Variants in ARHGEF28 observed in about 807,000 individuals in gnomAD.
ARHGEF28 encodes Rho guanine nucleotide exchange factor 28.
A neutral mutation model predicts 206.6 loss-of-function variants in ARHGEF28; 152 were observed. The ratio of observed to expected loss-of-function variants is 0.74; its 90% CI spans 0.64 to 0.84. The LOEUF (loss-of-function observed/expected upper bound fraction) is 0.84, where lower values mean the gene tolerates loss of function less well. ARHGEF28 is among the 40% of genes least tolerant of loss of function. The pLI is 0.00. For synonymous variants in ARHGEF28, 763 were observed against 776.4 expected, an observed-to-expected ratio of 0.98 and a Z score of 0.29; for missense variants, 2,028 against 2,073.2, an observed-to-expected ratio of 0.98 and a Z score of 0.42.
intron 2 of ARHGEF28, among the ~76,000 whole-genome samples, chr5:73,730,596 C>T (rs975197840): frequency 4.9e-4 from 71 of 145,918 alleles, no homozygotes; most frequent in African/African-American, 5.4e-4. Flanking sequence ...TGCAGTAGCA[C>T]GATCACAGCT....
intron 11 of ARHGEF28, among the ~76,000 whole-genome samples, chr5:73,845,619 C>G (rs948511365): frequency 6.6e-6 from 1 of 152,076 alleles, no homozygotes; most frequent in African/African-American, 2.4e-5. Context: ...TTGGGACTTG[C>G]GATATCAATA....
At chr5:73,880,048 G>C (rs1181509920) in intron 22 of ARHGEF28, among the ~76,000 whole-genome samples, 1 of 152,168 alleles carries the variant, frequency 6.6e-6, no homozygotes, top group Non-Finnish European at 1.5e-5. Context: ...TACAGAGGCA[G>C]GCAGGCCTCC....
chr5:73,627,968 C>G (rs180712740), intron 1 of ARHGEF28, among the ~76,000 whole-genome samples: 1 of 152,052 alleles, frequency 6.6e-6, no homozygotes, highest in African/African-American at 2.4e-5. Context: ...TTAGACTTTC[C>G]TCTGAAGTAC....
At position 73,794,386 on chromosome 5, in the gene ARHGEF28, A is replaced by G. The variant is rs1293120587; in HGVS notation, c.911-16A>G. On this transcript the variant is annotated splice_polypyrimidine_tract_variant and intron_variant, in intron 7 of 35. Coordinates refer to ENST00000513042, the MANE Select transcript of ARHGEF28 (RefSeq NM_001177693.2). Reference sequence around the variant, plus strand: ...AAGCTCCCATCAGCAGATCCTGATAATTATTTCTTTTGCAGAGATTAAGAA... The same window carrying G: ...AAGCTCCCATCAGCAGATCCTGATAGTTATTTCTTTTGCAGAGATTAAGAA... 1.9e-6 allele frequency: 3 copies of G among 1,584,014 alleles called. No individual in the cohort carries two copies. In the Admixed American group the frequency reaches 5.4e-5, roughly 28 times the overall value.
In ARHGEF28 at chr5:73,832,588, G is replaced by A. The variant is rs192279020; in HGVS notation, c.1146+129G>A. On this transcript the variant is annotated intron_variant, in intron 10 of 35. Coordinates refer to ENST00000513042, the MANE Select transcript of ARHGEF28 (RefSeq NM_001177693.2). ...TAAGAGCAGCAAAGAGGATGCTGTT[G>A]TGGGGTCTCATTGTATGAGCATTTA... 190 of 1,283,172 alleles carry A rather than the reference G, an allele frequency of 1.5e-4. 1 individual carries two copies. In the African/African-American group the frequency reaches 2.5e-3, roughly 17 times the overall value. The allele number at this position is 1,283,172 out of a possible 1,614,324, so 79.5% of individuals were successfully genotyped here.
At chr5:73,787,882 T>A (rs1248030396) in intron 7 of ARHGEF28, among the ~76,000 whole-genome samples, 2 of 152,192 alleles carry the variant, frequency 1.3e-5, no homozygotes, top group Admixed American at 6.5e-5. Context: ...ACTCATTTTG[T>A]ATATTATTAT....
chr5:73,753,150 C>T lies in ARHGEF28; in HGVS notation c.423C>T (p.Thr141=), dbSNP rs1752111697. 1 of 1,556,350 alleles carries T rather than the reference C, an allele frequency of 6.4e-7. No homozygotes were observed. Among genetic ancestry groups the T allele is most frequent in the Non-Finnish European group, 8.7e-7 (1 of 1,153,312 alleles). The stretch of plus-strand genomic sequence containing the variant: ...ATGAGGAGCTCGTGCTGGCTCTGAC[C>T]CATCTGGAATTGCCTCTAGAGTGGA... ...ALDEELVLAL[T]HLELPLEWTV... Residue 141 remains threonine (T), a synonymous_variant, in exon 4 of 36, where the codon ACC becomes ACT. Coordinates refer to ENST00000513042, the MANE Select transcript of ARHGEF28 (RefSeq NM_001177693.2).
intron 9 of ARHGEF28, among the ~76,000 whole-genome samples, chr5:73,826,610 G>A (rs1756922014): frequency 2.0e-5 from 3 of 152,168 alleles, no homozygotes; most frequent in Non-Finnish European, 4.4e-5. Flanking sequence ...GGGAGAGGTG[G>A]ATTTTGTTGG....
chr5:73,867,184 T>C (rs1179543961), intron 18 of ARHGEF28, among the ~76,000 whole-genome samples: 1 of 152,214 alleles, frequency 6.6e-6, no homozygotes, highest in Non-Finnish European at 1.5e-5. Flanking sequence ...ACGTGTAAAA[T>C]GCTTTGTAAT....
At chr5:73,799,429 T>TA (rs1755006755) in intron 9 of ARHGEF28, among the ~76,000 whole-genome samples, 3 of 152,208 alleles carry the variant, frequency 2.0e-5, no homozygotes. Flanking sequence ...GAAATTAAGA[T>TA]ATCCAGTTAA....
chr5:73,932,721 T>C (rs184161202), intron 35 of ARHGEF28, among the ~76,000 whole-genome samples: 20 of 151,980 alleles, frequency 1.3e-4, no homozygotes, highest in Admixed American at 1.1e-3. Context: ...TGACAATATA[T>C]GTTGAAACCT....
Position 73,688,227 on chromosome 5 carries a change from G to A in ARHGEF28, c.33+3343G>A, listed in dbSNP as rs544662717. 7.2e-5 allele frequency among the ~76,000 whole-genome samples: 11 copies of A among 152,244 alleles called. No homozygotes were observed. The East Asian group carries it at 7.7e-4, about 11-fold the overall frequency. On this transcript the variant is annotated intron_variant, in intron 2 of 35. Coordinates refer to ENST00000513042, the MANE Select transcript of ARHGEF28 (RefSeq NM_001177693.2). The stretch of plus-strand genomic sequence containing the variant: ...TTTACCTCAAGGACAATTAGATTAC[G>A]TAAGTGGAACAATAATCAGGAAGGA...
chr5:73,842,194 A>T (rs1431734269), intron 11 of ARHGEF28, among the ~76,000 whole-genome samples: 1 of 152,112 alleles, frequency 6.6e-6, no homozygotes, highest in African/African-American at 2.4e-5. Context: ...TTTTTCCCCC[A>T]TATCCTACCC....
At chr5:73,627,522 G>A (rs1743082031) in intron 1 of ARHGEF28, among the ~76,000 whole-genome samples, 1 of 152,110 alleles carries the variant, frequency 6.6e-6, no homozygotes, top group Admixed American at 6.6e-5. Context: ...AACCTGGGAA[G>A]GTTTCTCTAG....
chr5:73,910,784 G>A (rs1011105872), intron 34 of ARHGEF28, among the ~76,000 whole-genome samples: 2 of 152,090 alleles, frequency 1.3e-5, no homozygotes, highest in African/African-American at 2.4e-5. Context: ...TCATGCTTGA[G>A]AATCCTATTC....
intron 10 of ARHGEF28, among the ~76,000 whole-genome samples, chr5:73,834,489 A>G (rs1298507567): frequency 6.6e-6 from 1 of 151,862 alleles, no homozygotes; most frequent in Non-Finnish European, 1.5e-5. Context: ...AGATTCATCC[A>G]TGTTGTCACA....
intron 4 of ARHGEF28, among the ~76,000 whole-genome samples, chr5:73,761,423 T>A (rs957262875): frequency 5.3e-5 from 8 of 152,062 alleles, no homozygotes; most frequent in Non-Finnish European, 1.2e-4. Flanking sequence ...ATCCCCACGA[T>A]TGAAAAAGTT....
intron 2 of ARHGEF28, among the ~76,000 whole-genome samples, chr5:73,686,956 T>A (rs1481027933): frequency 2.0e-5 from 3 of 152,224 alleles, no homozygotes; most frequent in Non-Finnish European, 4.4e-5. Context: ...ATATATTTTA[T>A]CATTTTTAAG....
At chr5:73,860,621 C>T (rs1396671746) in intron 16 of ARHGEF28, among the ~76,000 whole-genome samples, 3 of 152,188 alleles carry the variant, frequency 2.0e-5, no homozygotes, top group Non-Finnish European at 2.9e-5. Context: ...GGGAGATTCT[C>T]ATCACCGCCT....
Sources: gnomAD v4.1 joint callset for allele counts (sites outside exome capture counted in the v4.1 genomes callset) on GRCh38, gnomAD v4.1.1 for gene constraint, MANE v1.5 for transcripts, NCBI Gene and HGNC (gene_info 2026-07-23, HGNC 2026-07-21) for gene names.